Variants in COG5 observed in about 807,000 individuals in gnomAD.
COG5 encodes the protein conserved oligomeric Golgi complex subunit 5.
COG5 carries 86 observed loss-of-function variants against 110.4 expected under a neutral mutation model. That is an observed-to-expected ratio of 0.78 (90% CI 0.65 to 0.93). The LOEUF is 0.93. Ranked by LOEUF, COG5 falls within the 40% of genes least tolerant of loss-of-function variation. COG5 has a pLI of 0.00. For missense variants in COG5, 1,077 were observed against 987.0 expected, an observed-to-expected ratio of 1.09 and a Z score of -1.22; for synonymous variants, 360 against 334.6, an observed-to-expected ratio of 1.08 and a Z score of -0.83.
At chr7:107,466,946 G>A (rs1178432801) in intron 6 of COG5, among the ~76,000 whole-genome samples, 1 of 152,148 alleles carries the variant, frequency 6.6e-6, no homozygotes, top group Non-Finnish European at 1.5e-5. Flanking sequence ...CAAACTCAGA[G>A]AATCTTCAAA....
chr7:107,524,931 T>TTG (rs1215267813), intron 6 of COG5, among the ~76,000 whole-genome samples: 2 of 152,084 alleles, frequency 1.3e-5, no homozygotes, highest in Non-Finnish European at 2.9e-5. Context: ...GTGGGGTTTT[T>TTG]TGTTTGTTTG....
At chr7:107,447,495 C>T (rs767860940) in intron 6 of COG5, among the ~76,000 whole-genome samples, 10 of 152,066 alleles carry the variant, frequency 6.6e-5, no homozygotes, top group Non-Finnish European at 1.2e-4. Flanking sequence ...AATATACATA[C>T]GAAGAGGAAA....
chr7:107,309,514 A>T (rs1808029023), intron 11 of COG5, among the ~76,000 whole-genome samples: 1 of 152,166 alleles, frequency 6.6e-6, no homozygotes, highest in African/African-American at 2.4e-5. Context: ...AGACACAGAT[A>T]AGCTAGTAGG....
chr7:107,521,349 G>A (rs763022727), intron 6 of COG5, among the ~76,000 whole-genome samples: 9 of 152,122 alleles, frequency 5.9e-5, no homozygotes, highest in South Asian at 2.1e-4. Flanking sequence ...TCATCAGACT[G>A]AACAGGCAAC....
chr7:107,226,500 C>G (rs1296340977), intron 19 of COG5, among the ~76,000 whole-genome samples: 1 of 152,192 alleles, frequency 6.6e-6, no homozygotes, highest in African/African-American at 2.4e-5. Flanking sequence ...TGGCTCTGTA[C>G]TGATTTACTC....
rs1177635650 is a variant in COG5, at chr7:107,415,880, G to GTA, written c.539-3249_539-3248insTA. Among the ~76,000 whole-genome samples the GTA allele has an allele frequency of 4.3e-3, 420 of 97,224 alleles. 113 individuals are homozygous for GTA. Among genetic ancestry groups the GTA allele is most frequent in the African/African-American group, 0.025 (355 of 14,100 alleles). 63.8% of individuals were successfully genotyped at this position (97,224 alleles called of 152,430 possible). A position where few individuals can be genotyped will look rare whatever the true frequency, so the allele number is the denominator to read the frequency against. ...CACATACACGTATGTATGTATGTGTGTGTATATACACACACATACACGTAT... is the reference window on the plus strand; with the variant it reads ...CACATACACGTATGTATGTATGTGTGTATGTATATACACACACATACACGTAT... On this transcript the variant is annotated intron_variant, in intron 6 of 21. Transcript: ENST00000297135.
At chr7:107,443,301 T>A (rs1004090301) in intron 6 of COG5, among the ~76,000 whole-genome samples, 22 of 152,134 alleles carry the variant, frequency 1.4e-4, no homozygotes, top group African/African-American at 4.6e-4. Context: ...TCCACAATAG[T>A]CAAACCTGTG....
intron 14 of COG5, among the ~76,000 whole-genome samples, chr7:107,274,371 T>C (rs945883980): frequency 1.3e-5 from 2 of 152,188 alleles, no homozygotes; most frequent in African/African-American, 2.4e-5. Flanking sequence ...TACTCTCAAT[T>C]TGGCTTTATG....
At chr7:107,386,644 C>G (rs889449958) in intron 7 of COG5, among the ~76,000 whole-genome samples, 1 of 152,108 alleles carries the variant, frequency 6.6e-6, no homozygotes, top group South Asian at 2.1e-4. Context: ...ATTTAAACAG[C>G]TGCTTGAAGC....
intron 2 of COG5, among the ~76,000 whole-genome samples, chr7:107,555,036 T>C (rs1411142021): frequency 6.6e-6 from 1 of 152,188 alleles, no homozygotes; most frequent in Admixed American, 6.5e-5. Context: ...GTTCTCTTTG[T>C]TCTTGAATTT....
intron 3 of COG5, among the ~76,000 whole-genome samples, chr7:107,549,455 G>A (rs1015298287): frequency 6.6e-6 from 1 of 151,908 alleles, no homozygotes; most frequent in Non-Finnish European, 1.5e-5. Context: ...GCAGTGGCTT[G>A]ATCCCCCCTC....
chr7:107,512,976 T>C (rs867411038), intron 6 of COG5, among the ~76,000 whole-genome samples: 4,547 of 151,212 alleles, frequency 0.03, 221 homozygotes, highest in African/African-American at 0.1. Flanking sequence ...CCATTCAGGA[T>C]ATAGGCATGG....
chr7:107,288,195 C>T (rs1805805781), intron 12 of COG5, among the ~76,000 whole-genome samples: 2 of 151,990 alleles, frequency 1.3e-5, no homozygotes, highest in South Asian at 2.1e-4. Context: ...TAAACCTCGC[C>T]GCTACAAAAA....
intron 6 of COG5, among the ~76,000 whole-genome samples, chr7:107,507,419 G>A (rs1189980795): frequency 3.4e-5 from 5 of 147,200 alleles, no homozygotes; most frequent in Admixed American, 1.4e-4. Flanking sequence ...TCAGCCTCCC[G>A]AGTAGCTGGG....
intron 7 of COG5, among the ~76,000 whole-genome samples, chr7:107,394,521 A>T (rs1017489373): frequency 3.9e-5 from 6 of 152,234 alleles, no homozygotes; most frequent in Admixed American, 3.3e-4. Context: ...CAAAACAGGA[A>T]CACTGTAACC....
intron 10 of COG5, among the ~76,000 whole-genome samples, chr7:107,329,391 A>T (rs1373577556): frequency 6.6e-6 from 1 of 151,682 alleles, no homozygotes; most frequent in East Asian, 1.9e-4. Context: ...GATTTGGGGT[A>T]AGATAGTATG....
chr7:107,295,058 CACACACACATATATATATATATATATAT>C (rs1336796462), intron 12 of COG5, among the ~76,000 whole-genome samples: 1 of 62,110 alleles, frequency 1.6e-5, no homozygotes, highest in Non-Finnish European at 2.6e-5. Context: ...CACACACACA[CACACACACATATATATATATATATATAT>C]ATATATATAT....
At chr7:107,308,566 T>C (rs1807927794) in intron 11 of COG5, among the ~76,000 whole-genome samples, 1 of 152,134 alleles carries the variant, frequency 6.6e-6, no homozygotes, top group Non-Finnish European at 1.5e-5. Context: ...GATTCCAACA[T>C]TCATTCTGCA....
intron 14 of COG5, among the ~76,000 whole-genome samples, chr7:107,270,628 T>TACACACAC (rs112944834): frequency 6.6e-6 from 1 of 150,610 alleles, no homozygotes; most frequent in Non-Finnish European, 1.5e-5. Flanking sequence ...AAAGATGTTA[T>TACACACAC]ACACACACAC....
Sources: gnomAD v4.1 joint callset for allele counts (sites outside exome capture counted in the v4.1 genomes callset) on GRCh38, gnomAD v4.1.1 for gene constraint, MANE v1.5 for transcripts, NCBI Gene and HGNC (gene_info 2026-07-23, HGNC 2026-07-21) for gene names.